IFNLR1: variants seen among roughly 807,000 people sequenced by gnomAD.
The protein encoded by IFNLR1 is interferon lambda receptor 1.
In IFNLR1, 28 loss-of-function variants were observed where a neutral mutation model predicts 52.5. The observed-to-expected ratio is 0.53, with a 90% CI of 0.40 to 0.73. The LOEUF (loss-of-function observed/expected upper bound fraction) is 0.73. Ranked by LOEUF, IFNLR1 falls within the 30% of genes least tolerant of loss-of-function variation. The pLI is 0.00. For synonymous variants in IFNLR1, 276 were observed against 274.9 expected, an observed-to-expected ratio of 1.00 and a Z score of -0.04; for missense variants, 623 against 659.1, an observed-to-expected ratio of 0.95 and a Z score of 0.60.
chr1:24,173,620 C>T (rs1569675591), intron 2 of IFNLR1, among the ~76,000 whole-genome samples: 1 of 147,806 alleles, frequency 6.8e-6, no homozygotes, highest in African/African-American at 2.6e-5. Context: ...CCCTCCTTCC[C>T]TCCCTCTCTT....
intron 3 of IFNLR1, among the ~76,000 whole-genome samples, chr1:24,163,245 C>T (rs1171012888): frequency 6.6e-6 from 1 of 152,036 alleles, no homozygotes; most frequent in Admixed American, 6.6e-5. Flanking sequence ...TGCCCCTGGC[C>T]AGAACTCACT....
intron 2 of IFNLR1, among the ~76,000 whole-genome samples, chr1:24,171,545 G>A (rs1644579768): frequency 6.6e-6 from 1 of 152,196 alleles, no homozygotes; most frequent in African/African-American, 2.4e-5. Context: ...CTGGAGTGCA[G>A]TGGCACAAAC....
intron 3 of IFNLR1, among the ~76,000 whole-genome samples, chr1:24,166,113 G>A (rs1253656519): frequency 6.6e-6 from 1 of 151,920 alleles, no homozygotes; most frequent in East Asian, 1.9e-4. Flanking sequence ...AATTATTGTG[G>A]TTTGTCTGCC....
rs181830967 is a variant in IFNLR1, at chr1:24,155,614, T to G, written c.*1516A>C. 1 of 152,292 alleles carries G rather than the reference T, an allele frequency of 6.6e-6. No homozygotes were observed. The highest frequency in any genetic ancestry group is 1.5e-5 in the Non-Finnish European group (1 of 68,100). 9.4% of individuals were successfully genotyped at this position (152,292 alleles called of 1,614,324 possible). A position where few individuals can be genotyped will look rare whatever the true frequency, so the allele number is the denominator to read the frequency against. ...TGCAGCCCAAGGCCTCTGGGGGACA[T>G]GGTTTGAGAATCCCTGGATGAGATG... On this transcript the variant is annotated 3_prime_UTR_variant, in exon 7 of 7. Transcript: ENST00000327535.
Position 24,157,359 on chromosome 1 carries a change from A to T in IFNLR1, c.1334T>A (p.Leu445His). The change falls in exon 7 of 7, where the codon CTC becomes CAC. Residue 445 changes from leucine to histidine, a missense_variant. By Grantham distance (99) the Leu-to-His change is moderately conservative. Transcript: ENST00000327535. This position sits in a 1 kb window ranked among gnomAD's most constrained non-coding sequence, Gnocchi z 5.1. ...GGTGCCCCAGGTGGCCCAGGAGGAG[A>T]GGTTATCTTCTGGGAGCTCTTCCAG... ...GFLEELPEDNLSSWATWGTLP... is the reference protein window; with the variant it reads ...GFLEELPEDNHSSWATWGTLP... 2.5e-6 allele frequency: 4 copies of T among 1,613,848 alleles called. No homozygotes were observed. The highest frequency in any genetic ancestry group is 3.4e-6 in the Non-Finnish European group (4 of 1,179,972).
In IFNLR1 at chr1:24,159,474, C is replaced by G. The variant is rs370460382; in HGVS notation, c.670G>C (p.Glu224Gln). 1 of 1,614,022 alleles carries G rather than the reference C, an allele frequency of 6.2e-7. No homozygotes were observed. The highest frequency in any genetic ancestry group is 1.3e-5 in the African/African-American group (1 of 75,026). The change falls in exon 5 of 7, where the codon GAA becomes CAA. Residue 224 changes from glutamate to glutamine, a missense_variant and splice_region_variant. By Grantham distance (29) the Glu-to-Gln change is conservative (BLOSUM62 2). Transcript: ENST00000327535. ...KPTCFLLEVPEANWAFLVLPS... is the reference protein window; with the variant it reads ...KPTCFLLEVPQANWAFLVLPS... ...TCTTTCTGCACCACTTGATACCCAC[C>G]TGGGACCTCCAGCAAGAAGCAGGTG...
chr1:24,177,801 T>C (rs1437361752), intron 2 of IFNLR1, among the ~76,000 whole-genome samples: 1 of 152,192 alleles, frequency 6.6e-6, no homozygotes, highest in African/African-American at 2.4e-5. Context: ...GTATGTATGT[T>C]TTGGGATAAA....
chr1:24,176,332 C>G (rs887598681), intron 2 of IFNLR1, among the ~76,000 whole-genome samples: 11 of 152,172 alleles, frequency 7.2e-5, no homozygotes, highest in African/African-American at 2.7e-4. Flanking sequence ...TTGCCTAGAT[C>G]TGGAGGCCTG....
At position 24,167,717 on chromosome 1, in the gene IFNLR1, C is replaced by T. The variant is rs1023483808; in HGVS notation, c.367+1700G>A. 1.4e-4 allele frequency among the ~76,000 whole-genome samples: 21 copies of T among 150,274 alleles called. No homozygotes were observed. In the South Asian group the frequency reaches 3.8e-3, roughly 27 times the overall value. On this transcript the variant is annotated intron_variant, in intron 3 of 6. Coordinates refer to ENST00000327535, the MANE Select transcript of IFNLR1 (RefSeq NM_170743.4). Reference sequence around the variant, plus strand: ...ATTTATTTATTTATTTATTTTGAGACGGAGTCTTGCTCTGTCACCCAGGCT... The same window carrying T: ...ATTTATTTATTTATTTATTTTGAGATGGAGTCTTGCTCTGTCACCCAGGCT...
intron 2 of IFNLR1, among the ~76,000 whole-genome samples, chr1:24,171,749 T>C (rs1414840983): frequency 6.6e-6 from 1 of 152,100 alleles, no homozygotes; most frequent in African/African-American, 2.4e-5. Flanking sequence ...CTCCTCCTCC[T>C]GGGTTCAAAG....
At chr1:24,182,847 G>T (rs112999510) in intron 1 of IFNLR1, among the ~76,000 whole-genome samples, 7,542 of 152,166 alleles carry the variant, frequency 0.05, 472 homozygotes, top group African/African-American at 0.14. Context: ...TTGAATCCGG[G>T]AGGTGGAGGT....
chr1:24,161,169 T>G (rs895113698), intron 4 of IFNLR1, among the ~76,000 whole-genome samples: 1 of 152,208 alleles, frequency 6.6e-6, no homozygotes, highest in Non-Finnish European at 1.5e-5. Flanking sequence ...TCTGGCCTTC[T>G]TCGGGAAAGT....
rs142594007 is a variant in IFNLR1, at chr1:24,156,374, C to T, written c.*756G>A. ...GCCACCACGTAGAGAGCACCCAGGACACAGCAGGCTCCGTGCTACACACAT... is the reference window on the plus strand; with the variant it reads ...GCCACCACGTAGAGAGCACCCAGGATACAGCAGGCTCCGTGCTACACACAT... On this transcript the variant is annotated 3_prime_UTR_variant, in exon 7 of 7. Coordinates refer to ENST00000327535, the MANE Select transcript of IFNLR1 (RefSeq NM_170743.4). 2.1e-3 allele frequency: 325 copies of T among 152,490 alleles called. No individual in the cohort carries two copies. The highest frequency in any genetic ancestry group is 3.8e-3 in the Non-Finnish European group (256 of 68,162). 9.4% of individuals were successfully genotyped at this position (152,490 alleles called of 1,614,324 possible).
At chr1:24,186,237 C>T (rs1231458777) in intron 1 of IFNLR1, among the ~76,000 whole-genome samples, 2 of 152,100 alleles carry the variant, frequency 1.3e-5, no homozygotes, top group Admixed American at 1.3e-4. Flanking sequence ...GCCTGTCCCA[C>T]GTGCCTACCC....
intron 1 of IFNLR1, 125 bp from the exon 2 acceptor site, chr1:24,180,979 C>G: frequency 1.0e-6 from 1 of 965,760 alleles, no homozygotes; most frequent in South Asian, 1.7e-5. Flanking sequence ...CCAGGAGCCA[C>G]TGACTGGCTG....
intron 3 of IFNLR1, among the ~76,000 whole-genome samples, chr1:24,168,676 C>A (rs151180612): frequency 1.0e-4 from 15 of 150,590 alleles, no homozygotes; most frequent in Admixed American, 2.0e-4. Context: ...ATCATCTTTA[C>A]CCCCCCACCC....
At chr1:24,162,881 TTCCTTCCTTCCTTCCTTCCTTCC>T (rs1644475412) in intron 3 of IFNLR1, among the ~76,000 whole-genome samples, 1 of 64,282 alleles carries the variant, frequency 1.6e-5, no homozygotes, top group Non-Finnish European at 3.1e-5. Flanking sequence ...CTTTCTTTCC[TTCCTTCCTTCCTTCCTTCCTTCC>T]TTCCTTCCTT....
rs1250782669 is a variant in IFNLR1, at chr1:24,180,851, C to G, written c.62G>C (p.Arg21Thr). ...LLCLLQAAPGRPRLAPPQNVT... is the reference protein window; with the variant it reads ...LLCLLQAAPGTPRLAPPQNVT... ...ATTCTGGGGAGGGGCCAGACGGGGCCTCCCTGGGGGAAAGAAAGGGGTCAT... is the reference window on the plus strand; with the variant it reads ...ATTCTGGGGAGGGGCCAGACGGGGCGTCCCTGGGGGAAAGAAAGGGGTCAT... The change falls in exon 2 of 7, where the codon AGG becomes ACG. Residue 21 changes from arginine (R) to threonine (T), a missense_variant. Physicochemically the swap from Arg to Thr is moderately conservative, Grantham distance 71 (BLOSUM62 -1). Transcript: ENST00000327535. The G allele has an allele frequency of 1.9e-6, 3 of 1,612,928 alleles. No individual in the cohort carries two copies. Among genetic ancestry groups the G allele is most frequent in the Non-Finnish European group, 2.5e-6 (3 of 1,179,678 alleles).
At position 24,159,750 on chromosome 1, in the gene IFNLR1, G is replaced by GT. The variant is rs1429333772; in HGVS notation, c.511-118dup. ...TGTTTTTTTTTTGTTTTTTTTTTTT[G>GT]TTTTTTTGTAGGGGATAGGGTTTGG... On this transcript the variant is annotated intron_variant, in intron 4 of 6. Coordinates refer to ENST00000327535, the MANE Select transcript of IFNLR1 (RefSeq NM_170743.4). 3.0e-3 allele frequency: 2,363 copies of GT among 792,630 alleles called. 20 individuals are homozygous for GT. Among genetic ancestry groups the GT allele is most frequent in the Non-Finnish European group, 3.8e-3 (2,038 of 542,200 alleles). The allele number at this position is 792,630 out of a possible 1,614,324, so 49.1% of individuals were successfully genotyped here.
Sources: allele counts gnomAD v4.1 joint callset (sites outside exome capture counted in the v4.1 genomes callset), GRCh38; gene constraint gnomAD v4.1.1; non-coding constraint Gnocchi (gnomAD v3.1); transcripts MANE v1.5; gene names NCBI Gene and HGNC (gene_info 2026-07-23, HGNC 2026-07-21).